The following FLVCR1 variants were observed in gnomAD, a reference collection of about 807,000 sequenced individuals.
FLVCR1 encodes FLVCR choline and heme transporter 1.
FLVCR1 carries 34 observed loss-of-function variants against 53.6 expected under a neutral mutation model. That is an observed-to-expected ratio of 0.63 (90% CI 0.48 to 0.84). FLVCR1 has a LOEUF of 0.84. Ranked by LOEUF, FLVCR1 falls within the 40% of genes least tolerant of loss-of-function variation. The probability of loss-of-function intolerance (pLI) is 0.00; values close to 1 mark genes in which losing one functional copy is unlikely to be tolerated. For missense variants in FLVCR1, 677 were observed against 696.7 expected (o/e 0.97, Z 0.32); for synonymous variants, 300 against 286.3 (o/e 1.05, Z -0.48).
chr1:212,862,180 CATAA>C (rs889413645), intron 1 of FLVCR1, among the ~76,000 whole-genome samples: 13 of 74,834 alleles, frequency 1.7e-4, no homozygotes, highest in Non-Finnish European at 4.1e-4. Flanking sequence ...GTAAAATTCA[CATAA>C]ATAAAACTAA....
At chr1:212,868,647 G>A (rs972594096) in intron 2 of FLVCR1, among the ~76,000 whole-genome samples, 8 of 151,242 alleles carry the variant, frequency 5.3e-5, no homozygotes, top group African/African-American at 1.9e-4. Flanking sequence ...GACCTCAGGT[G>A]ATCCGCTTGT....
chr1:212,889,743 G>A (rs557608138), intron 8 of FLVCR1, among the ~76,000 whole-genome samples: 7 of 130,554 alleles, frequency 5.4e-5, no homozygotes, highest in South Asian at 2.7e-4. Context: ...GGGCAACAGC[G>A]AGACTCTGTC....
chr1:212,869,240 T>C (rs977844569), intron 2 of FLVCR1, among the ~76,000 whole-genome samples: 1 of 152,266 alleles, frequency 6.6e-6, no homozygotes, highest in African/African-American at 2.4e-5. Context: ...TCAGTTGTTT[T>C]ATTGGTGCAA....
intron 3 of FLVCR1, among the ~76,000 whole-genome samples, chr1:212,874,997 A>G (rs560339662): frequency 6.6e-6 from 1 of 152,118 alleles, no homozygotes; most frequent in South Asian, 2.1e-4. Context: ...ATTTTGTGCC[A>G]ATATTTCTTT....
intron 8 of FLVCR1, among the ~76,000 whole-genome samples, chr1:212,889,895 T>C (rs1480447119): frequency 6.6e-6 from 1 of 152,252 alleles, no homozygotes; most frequent in South Asian, 2.1e-4. Context: ...ATTTATATAA[T>C]AGAGTGTTAA....
At chr1:212,894,861 G>A (rs1665292084) in intron 8 of FLVCR1, 125 bp from the exon 9 acceptor site, 1 of 751,652 alleles carries the variant, frequency 1.3e-6, no homozygotes, top group Non-Finnish European at 2.5e-6. Context: ...AGGCTGTTGG[G>A]ATGCTATTAA....
At chr1:212,884,548 T>C (rs559290061) in intron 4 of FLVCR1, among the ~76,000 whole-genome samples, 1 of 152,308 alleles carries the variant, frequency 6.6e-6, no homozygotes, top group East Asian at 1.9e-4. Flanking sequence ...AGCATAAATA[T>C]AGATAAATAA....
chr1:212,859,235 G>T (rs757745569), intron 1 of FLVCR1, 45 bp downstream of exon 1: 5 of 1,613,422 alleles, frequency 3.1e-6, no homozygotes, highest in Non-Finnish European at 4.2e-6. Context: ...TTAAAAGACC[G>T]GAAAAAGTCA....
At chr1:212,876,213 T>A (rs116357712) in intron 3 of FLVCR1, among the ~76,000 whole-genome samples, 104 of 152,218 alleles carry the variant, frequency 6.8e-4, no homozygotes, top group African/African-American at 2.4e-3. Context: ...TGTGTGTTAT[T>A]TCCACCCCTC....
rs1249807169 is a variant in FLVCR1, at chr1:212,897,579, A to T, written c.*2289A>T. On this transcript the variant is annotated 3_prime_UTR_variant, in exon 10 of 10. Transcript: ENST00000366971. The stretch of plus-strand genomic sequence containing the variant: ...GTAATTTATAAATAAAAGAGGTTTA[A>T]GTGGCTCACAGTTCTGCAGGCTGTG... 6.6e-6 allele frequency: 1 copy of T among 152,250 alleles called. No homozygotes were observed. The highest frequency in any genetic ancestry group is 1.5e-5 in the Non-Finnish European group (1 of 68,080). 9.4% of individuals were successfully genotyped at this position (152,250 alleles called of 1,614,324 possible).
Position 212,895,652 on chromosome 1 carries a change from G to T in FLVCR1, c.*362G>T. 3.1e-6 allele frequency: 1 copy of T among 320,082 alleles called. No homozygotes were observed. The highest frequency in any genetic ancestry group is 2.8e-5 in the South Asian group (1 of 35,232). The allele number at this position is 320,082 out of a possible 1,614,324, so 19.8% of individuals were successfully genotyped here. A position where few individuals can be genotyped will look rare whatever the true frequency, so the allele number is the denominator to read the frequency against. On this transcript the variant is annotated 3_prime_UTR_variant, in exon 10 of 10. Transcript: ENST00000366971. Reference sequence around the variant, plus strand: ...AATACTTTTTAAAGTGATAATATGGGGTGTTCAGTCCCCATAAGATATAAT... The same window carrying T: ...AATACTTTTTAAAGTGATAATATGGTGTGTTCAGTCCCCATAAGATATAAT...
chr1:212,886,855 C>T (rs1665079512), intron 5 of FLVCR1, among the ~76,000 whole-genome samples: 1 of 151,732 alleles, frequency 6.6e-6, no homozygotes, highest in Admixed American at 6.6e-5. Flanking sequence ...TATGGAACCA[C>T]CAAAAGGCTA....
At chr1:212,885,257 T>G in intron 4 of FLVCR1, 36 bp from the exon 5 acceptor site, 1 of 1,380,556 alleles carries the variant, frequency 7.2e-7, no homozygotes, top group Non-Finnish European at 1.0e-6. Context: ...AGTTAATCCA[T>G]TTATTTGATC....
intron 2 of FLVCR1, among the ~76,000 whole-genome samples, chr1:212,866,869 T>C (rs1448056346): frequency 6.6e-6 from 1 of 152,212 alleles, no homozygotes; most frequent in African/African-American, 2.4e-5. Context: ...AAAAGCAAGA[T>C]AGTATACAGC....
At chr1:212,889,092 C>A in intron 7 of FLVCR1, 54 bp from the exon 8 acceptor site, 1 of 1,270,516 alleles carries the variant, frequency 7.9e-7, no homozygotes, top group Non-Finnish European at 1.1e-6. Context: ...AAACTTTATA[C>A]TTGCTTTAAA....
At chr1:212,865,367 A>G (rs1203473644) in intron 2 of FLVCR1, among the ~76,000 whole-genome samples, 3 of 150,134 alleles carry the variant, frequency 2.0e-5, no homozygotes, top group African/African-American at 7.4e-5. Context: ...CCTATGAGTG[A>G]GAGCATGCGG....
chr1:212,888,687 G>GTTGTTGTT (rs1330040021), intron 7 of FLVCR1, 93 bp downstream of exon 7: 2 of 1,045,342 alleles, frequency 1.9e-6, no homozygotes, highest in East Asian at 4.9e-5. Flanking sequence ...TGTTGTTGTT[G>GTTGTTGTT]TTGTTTTGTT....
chr1:212,889,350 A>G (rs543431324), intron 8 of FLVCR1, 93 bp downstream of exon 8: 8 of 790,554 alleles, frequency 1.0e-5, no homozygotes, highest in East Asian at 5.2e-5. Context: ...ACTCAAGGGG[A>G]AAAAAATGAG....
chr1:212,887,050 G>T (rs548125596), intron 5 of FLVCR1, among the ~76,000 whole-genome samples: 1 of 152,120 alleles, frequency 6.6e-6, no homozygotes, highest in Non-Finnish European at 1.5e-5. Flanking sequence ...ACTGTGTCCC[G>T]TGTACCTTTC....
Sources: allele counts gnomAD v4.1 joint callset (sites outside exome capture counted in the v4.1 genomes callset), GRCh38; gene constraint gnomAD v4.1.1; transcripts MANE v1.5; gene names NCBI Gene and HGNC (gene_info 2026-07-23, HGNC 2026-07-21).